The following INO80D variants were observed in gnomAD, a reference collection of about 807,000 sequenced individuals.
INO80D encodes INO80 complex subunit D.
A neutral mutation model predicts 87.6 loss-of-function variants in INO80D; 21 were observed. The ratio of observed to expected loss-of-function variants is 0.24; its 90% CI spans 0.17 to 0.35. The LOEUF (loss-of-function observed/expected upper bound fraction) is 0.35. Ranked by LOEUF, INO80D falls within the 10% of genes least tolerant of loss-of-function variation. The pLI, the probability that INO80D is intolerant of heterozygous loss-of-function variation, is 1.00. For synonymous variants in INO80D, 440 were observed against 491.0 expected, an observed-to-expected ratio of 0.90 and a Z score of 1.37; for missense variants, 982 against 1,280.7, an observed-to-expected ratio of 0.77 and a Z score of 3.56.
At chr2:206,072,057 C>T (rs1689986441) in intron 1 of INO80D, among the ~76,000 whole-genome samples, 1 of 152,132 alleles carries the variant, frequency 6.6e-6, no homozygotes, top group Admixed American at 6.6e-5. Context: ...TCCTGCCACT[C>T]AGGGAGCCCA....
At chr2:206,084,038 A>T (rs964020348) in intron 1 of INO80D, among the ~76,000 whole-genome samples, 1 of 151,682 alleles carries the variant, frequency 6.6e-6, no homozygotes, top group African/African-American at 2.4e-5. Flanking sequence ...GTCCCTGAAA[A>T]GCAGAAAATC....
At chr2:206,022,806 C>T (rs893002702) in intron 6 of INO80D, among the ~76,000 whole-genome samples, 2 of 152,116 alleles carry the variant, frequency 1.3e-5, no homozygotes, top group South Asian at 2.1e-4. Context: ...TTCTGCCTCC[C>T]GGGTTCAAGC....
chr2:206,052,564 C>T (rs559118315), intron 4 of INO80D, among the ~76,000 whole-genome samples: 3 of 152,124 alleles, frequency 2.0e-5, no homozygotes, highest in South Asian at 4.1e-4. Flanking sequence ...AATCCCAGAA[C>T]TTTGGGAGGC....
intron 6 of INO80D, among the ~76,000 whole-genome samples, chr2:206,026,088 G>A (rs1272135081): frequency 6.6e-6 from 1 of 151,924 alleles, no homozygotes; most frequent in Non-Finnish European, 1.5e-5. Context: ...TAGTAGAGAT[G>A]GGGTCTCATC....
rs879430832 is a variant in INO80D, at chr2:206,015,887, CA to C, written c.1542+1792del. On this transcript the variant is annotated intron_variant, in intron 8 of 10. Coordinates refer to ENST00000403263, the MANE Select transcript of INO80D (RefSeq NM_017759.5). ...GGGTGACAGAGTGAGACTCTGTCTC[CA>C]AAAAAAAAAAATGTATAGAAATGCC... Among the ~76,000 whole-genome samples, 1,372 of 141,586 alleles carry C rather than the reference CA, an allele frequency of 9.7e-3. 21 individuals carry two copies. Among genetic ancestry groups the C allele is most frequent in the African/African-American group, 0.031 (1,193 of 38,658 alleles). The allele number at this position is 141,586 out of a possible 152,430, so 92.9% of individuals were successfully genotyped here.
At chr2:206,060,834 A>G (rs1407027343) in intron 3 of INO80D, among the ~76,000 whole-genome samples, 1 of 152,078 alleles carries the variant, frequency 6.6e-6, no homozygotes, top group Non-Finnish European at 1.5e-5. Context: ...TGCTGGGATT[A>G]CAGGCGTGAG....
chr2:206,081,651 C>A (rs571934775), intron 1 of INO80D, among the ~76,000 whole-genome samples: 16 of 151,454 alleles, frequency 1.1e-4, no homozygotes, highest in South Asian at 4.2e-4. Flanking sequence ...TGACTACAGG[C>A]ACACCTGAGG....
At chr2:206,021,991 A>G (rs1688477393) in intron 6 of INO80D, among the ~76,000 whole-genome samples, 1 of 151,960 alleles carries the variant, frequency 6.6e-6, no homozygotes, top group Non-Finnish European at 1.5e-5. Context: ...ACATTCCCTC[A>G]TTTTCTTTAT....
At chr2:206,028,644 C>A (rs540816661) in intron 5 of INO80D, among the ~76,000 whole-genome samples, 1 of 152,126 alleles carries the variant, frequency 6.6e-6, no homozygotes, top group African/African-American at 2.4e-5. Context: ...GAAAAAAATT[C>A]ATTTCTTTAC....
chr2:206,055,799 T>G (rs940565091), intron 4 of INO80D, among the ~76,000 whole-genome samples: 1 of 152,242 alleles, frequency 6.6e-6, no homozygotes, highest in African/African-American at 2.4e-5. Context: ...ACAGACTTTT[T>G]TTCTTGTCAT....
intron 8 of INO80D, among the ~76,000 whole-genome samples, chr2:206,011,532 T>C (rs1688174484): frequency 6.6e-6 from 1 of 152,206 alleles, no homozygotes; most frequent in South Asian, 2.1e-4. Flanking sequence ...TGAAATACTA[T>C]TCACTCCCAA....
rs774479526 is a variant in INO80D, at chr2:206,056,588, C to T, written c.574G>A (p.Glu192Lys). ...GGTGCAGGAGGGGGACTAAAGTGCTCTTGTCGAACTTTTAAAATCTCTGTC... is the reference window on the plus strand; with the variant it reads ...GGTGCAGGAGGGGGACTAAAGTGCTTTTGTCGAACTTTTAAAATCTCTGTC... ...RETEILKVRQ[E>K]HFSPPPAPSQ... Residue 192 changes from glutamate (E) to lysine (K), a missense_variant, in exon 4 of 11, where the codon GAG becomes AAG. Coordinates refer to ENST00000403263, the MANE Select transcript of INO80D (RefSeq NM_017759.5). 6 of 1,610,630 alleles carry T rather than the reference C, an allele frequency of 3.7e-6. No individual in the cohort carries two copies. The highest frequency in any genetic ancestry group is 1.3e-5 in the African/African-American group (1 of 74,886).
chr2:206,085,500 CG>C lies in INO80D; in HGVS notation c.-124+400del. On this transcript the variant is annotated intron_variant, in intron 1 of 10. Coordinates refer to ENST00000403263, the MANE Select transcript of INO80D (RefSeq NM_017759.5). The surrounding 1 kb of genome is among the most constrained non-coding windows in gnomAD (Gnocchi z 4.5). Reference sequence around the variant, plus strand: ...GCGCCGCCGTCCCACCCGGAGACCCCGGGGGACTCGAGGGGGCGCGCGGAGG... The same window carrying C: ...GCGCCGCCGTCCCACCCGGAGACCCCGGGGACTCGAGGGGGCGCGCGGAGG... 1 of 151,132 alleles carries C rather than the reference CG, an allele frequency of 6.6e-6. No homozygotes were observed. The highest frequency in any genetic ancestry group is 1.5e-5 in the Non-Finnish European group (1 of 67,652). The allele number at this position is 151,132 out of a possible 1,614,324, so 9.4% of individuals were successfully genotyped here.
chr2:206,032,152 T>A (rs969895657), intron 5 of INO80D, among the ~76,000 whole-genome samples: 3 of 152,078 alleles, frequency 2.0e-5, no homozygotes, highest in Non-Finnish European at 4.4e-5. Context: ...CAGCTGAACT[T>A]TGTAACAATT....
chr2:206,075,095 T>C (rs1033444800), intron 1 of INO80D, among the ~76,000 whole-genome samples: 1 of 151,186 alleles, frequency 6.6e-6, no homozygotes, highest in Non-Finnish European at 1.5e-5. Context: ...ATAGGAAAAT[T>C]GAACAATTCA....
At chr2:206,084,034 G>C (rs1428827598) in intron 1 of INO80D, among the ~76,000 whole-genome samples, 1 of 150,968 alleles carries the variant, frequency 6.6e-6, no homozygotes, top group Non-Finnish European at 1.5e-5. Context: ...TCCTGTCCCT[G>C]AAAAGCAGAA....
intron 8 of INO80D, among the ~76,000 whole-genome samples, chr2:206,016,141 C>G (rs1688312975): frequency 6.6e-6 from 1 of 151,492 alleles, no homozygotes; most frequent in South Asian, 2.1e-4. Context: ...TCAATGCCAG[C>G]CCATGAAAAC....
chr2:206,005,542 A>G lies in INO80D; in HGVS notation c.1919-9T>C. On this transcript the variant is annotated splice_polypyrimidine_tract_variant and intron_variant, in intron 10 of 10. Coordinates refer to ENST00000403263, the MANE Select transcript of INO80D (RefSeq NM_017759.5). ...GAGGTCTCCATTCTTCCCTGAGTCA[A>G]CAAAAGCCATCGACAATCAGTAGAG... 6.2e-7 allele frequency: 1 copy of G among 1,601,794 alleles called. No homozygotes were observed. The highest frequency in any genetic ancestry group is 8.5e-7 in the Non-Finnish European group (1 of 1,174,670).
intron 1 of INO80D, among the ~76,000 whole-genome samples, chr2:206,070,388 C>T (rs544013707): frequency 5.3e-5 from 8 of 150,816 alleles, no homozygotes; most frequent in Non-Finnish European, 1.2e-4. Context: ...TGCACCACAC[C>T]GCACTCCAGC....
Sources: gnomAD v4.1 joint callset for allele counts (sites outside exome capture counted in the v4.1 genomes callset) on GRCh38, gnomAD v4.1.1 for gene constraint, Gnocchi (gnomAD v3.1) non-coding constraint, MANE v1.5 for transcripts, NCBI Gene and HGNC (gene_info 2026-07-23, HGNC 2026-07-21) for gene names.